HDAC9: variants seen among roughly 807,000 people sequenced by gnomAD.
The protein encoded by HDAC9 is MEF-2 interacting transcription repressor (MITR) protein.
A neutral mutation model predicts 139.4 loss-of-function variants in HDAC9; 41 were observed. The ratio of observed to expected loss-of-function variants is 0.29; its 90% confidence interval spans 0.23 to 0.38. HDAC9 has a LOEUF of 0.38. Among genes scored for constraint, HDAC9 ranks in the 10% least tolerant of loss-of-function variants. The pLI is 1.00. For synonymous variants in HDAC9, 517 were observed against 476.2 expected, an observed-to-expected ratio of 1.09 and a Z score of -1.12; for missense variants, 1,147 against 1,297.0, an observed-to-expected ratio of 0.88 and a Z score of 1.78.
At chr7:18,316,830 A>C (rs547678313) in intron 1 of HDAC9, among the ~76,000 whole-genome samples, 60 of 151,694 alleles carry the variant, frequency 4.0e-4, no homozygotes, top group Non-Finnish European at 7.8e-4. Flanking sequence ...AATAAAAAAT[A>C]AGAAAATAAA....
chr7:18,331,899 G>C (rs1420315064), intron 1 of HDAC9, among the ~76,000 whole-genome samples: 2 of 151,442 alleles, frequency 1.3e-5, no homozygotes, highest in Non-Finnish European at 3.0e-5. Context: ...CAAAATTTGA[G>C]TTCAGTGGCA....
chr7:18,429,463 A>G (rs902669351), intron 1 of HDAC9: 1 of 152,106 alleles, frequency 6.6e-6, no homozygotes, highest in Non-Finnish European at 1.5e-5. Flanking sequence ...TAGAAAAGTT[A>G]ACTTTCCCCT....
chr7:18,247,754 G>A (rs1210130027), intron 2 of HDAC9, among the ~76,000 whole-genome samples: 3 of 152,108 alleles, frequency 2.0e-5, no homozygotes. Context: ...AGTTTCTCAG[G>A]ATGCTCTTTG....
intron 16 of HDAC9, among the ~76,000 whole-genome samples, chr7:18,773,707 T>C (rs17139913): frequency 0.026 from 3,888 of 149,704 alleles, 139 homozygotes; most frequent in African/African-American, 0.082. Context: ...ACAAAGGAAA[T>C]GGTACTACCT....
intron 1 of HDAC9, among the ~76,000 whole-genome samples, chr7:18,160,602 CA>C (rs1787561771): frequency 1.3e-5 from 2 of 151,950 alleles, no homozygotes; most frequent in Non-Finnish European, 2.9e-5. Context: ...ACAGTGTGAG[CA>C]ATGTTTGTAT....
At chr7:18,484,422 T>A (rs1483390174) in intron 1 of HDAC9, among the ~76,000 whole-genome samples, 1 of 152,164 alleles carries the variant, frequency 6.6e-6, no homozygotes, top group Non-Finnish European at 1.5e-5. Flanking sequence ...TCTCATTTCT[T>A]AACCCCCATA....
intron 1 of HDAC9, among the ~76,000 whole-genome samples, chr7:18,382,367 GT>G (rs1785518945): frequency 6.6e-6 from 1 of 152,152 alleles, no homozygotes; most frequent in Admixed American, 6.5e-5. Flanking sequence ...TCTAATGAAT[GT>G]ATTGTGTCAG....
chr7:18,428,292 A>G (rs1790312924), intron 1 of HDAC9, among the ~76,000 whole-genome samples: 1 of 152,214 alleles, frequency 6.6e-6, no homozygotes, highest in Non-Finnish European at 1.5e-5. Context: ...AACAAACTGA[A>G]AAGCTTCTAC....
intron 14 of HDAC9, among the ~76,000 whole-genome samples, chr7:18,750,757 T>G (rs1053638923): frequency 2.0e-5 from 3 of 152,190 alleles, no homozygotes; most frequent in Admixed American, 2.0e-4. Flanking sequence ...GCAAGGAGAA[T>G]TATTTGTGGT....
rs551579755 is a variant in HDAC9 at position 18,998,888 on chromosome 7, A to C, written c.*2826A>C. 11 of 152,324 alleles carry C rather than the reference A, an allele frequency of 7.2e-5. No homozygotes were observed. Among genetic ancestry groups the C allele is most frequent in the African/African-American group, 2.6e-4 (11 of 41,578 alleles). 9.4% of individuals were successfully genotyped at this position (152,324 alleles called of 1,614,324 possible). On this transcript the variant is annotated 3_prime_UTR_variant, in exon 26 of 26. Coordinates refer to ENST00000686413, the MANE Select transcript of HDAC9 (RefSeq NM_178425.4). ...TTAATAAGCTGTCAAACGTAGGTATAAAAAGAAGGCTTAAAAATTAATTTT... is the reference window on the plus strand; with the variant it reads ...TTAATAAGCTGTCAAACGTAGGTATCAAAAGAAGGCTTAAAAATTAATTTT...
chr7:18,876,527 G>A (rs533099546), intron 22 of HDAC9, among the ~76,000 whole-genome samples: 1 of 152,124 alleles, frequency 6.6e-6, no homozygotes, highest in Non-Finnish European at 1.5e-5. Flanking sequence ...ACAGATTGTA[G>A]TTGAAACTCT....
chr7:18,489,707 A>G (rs1428862141), intron 1 of HDAC9, among the ~76,000 whole-genome samples: 1 of 152,044 alleles, frequency 6.6e-6, no homozygotes, highest in Non-Finnish European at 1.5e-5. Flanking sequence ...TATATGAAAT[A>G]ACTCACTTTC....
At chr7:18,562,558 A>G (rs1219971528) in intron 2 of HDAC9, among the ~76,000 whole-genome samples, 1 of 152,130 alleles carries the variant, frequency 6.6e-6, no homozygotes, top group Non-Finnish European at 1.5e-5. Context: ...AAATTGATTA[A>G]CCATAAATGT....
chr7:18,877,436 T>C (rs1256314207), intron 22 of HDAC9, among the ~76,000 whole-genome samples: 2 of 152,160 alleles, frequency 1.3e-5, no homozygotes, highest in African/African-American at 4.8e-5. Flanking sequence ...TGGGCTAGAT[T>C]CTAAAGTAAA....
intron 1 of HDAC9, among the ~76,000 whole-genome samples, chr7:18,341,570 T>C (rs1782014604): frequency 6.6e-6 from 1 of 151,768 alleles, no homozygotes; most frequent in Non-Finnish European, 1.5e-5. Flanking sequence ...TATAGTTTCA[T>C]CTCTAGAACT....
At chr7:18,992,885 T>C (rs898513767) in intron 25 of HDAC9, among the ~76,000 whole-genome samples, 2 of 152,210 alleles carry the variant, frequency 1.3e-5, no homozygotes, top group African/African-American at 4.8e-5. Context: ...AATTTATCTT[T>C]GCTGGGTTGA....
intron 13 of HDAC9, among the ~76,000 whole-genome samples, chr7:18,730,203 A>G (rs1024160768): frequency 2.0e-5 from 3 of 152,304 alleles, no homozygotes; most frequent in Non-Finnish European, 2.9e-5. Context: ...ACTATTCCAA[A>G]TCCTAAGGAA....
intron 22 of HDAC9, among the ~76,000 whole-genome samples, chr7:18,897,785 C>T (rs1005521877): frequency 5.3e-5 from 8 of 150,340 alleles, no homozygotes; most frequent in African/African-American, 1.7e-4. Flanking sequence ...TATGTTTTCT[C>T]TATCTAATTG....
chr7:18,554,811 T>C (rs1818295312), intron 2 of HDAC9, among the ~76,000 whole-genome samples: 1 of 152,230 alleles, frequency 6.6e-6, no homozygotes, highest in Non-Finnish European at 1.5e-5. Flanking sequence ...GTGGGATGAC[T>C]ATGAACCTGG....
Sources: gnomAD v4.1 joint callset for allele counts (sites outside exome capture counted in the v4.1 genomes callset) on GRCh38, gnomAD v4.1.1 for gene constraint, MANE v1.5 for transcripts, NCBI Gene and HGNC (gene_info 2026-07-23, HGNC 2026-07-21) for gene names.